The following ZBTB7C variants were observed in gnomAD, a reference collection of about 807,000 sequenced individuals.
ZBTB7C encodes the protein zinc finger and BTB domain containing 7C.
In ZBTB7C, 8 loss-of-function variants were observed where a neutral mutation model predicts 25.7. The observed-to-expected ratio is 0.31, with a 90% CI of 0.18 to 0.56. The LOEUF (loss-of-function observed/expected upper bound fraction) is 0.56. Ranked by LOEUF, ZBTB7C falls within the 20% of genes least tolerant of loss-of-function variation. ZBTB7C has a pLI of 0.91. For synonymous variants in ZBTB7C, 394 were observed against 369.0 expected, an observed-to-expected ratio of 1.07 and a Z score of -0.78; for missense variants, 824 against 855.2, an observed-to-expected ratio of 0.96 and a Z score of 0.46.
rs558614340 is a variant in ZBTB7C, at chr18:48,123,524, G to A, written c.-17+62410C>T. Among the ~76,000 whole-genome samples, 5 of 152,376 alleles carry A rather than the reference G, an allele frequency of 3.3e-5. No homozygotes were observed. In the East Asian group the frequency reaches 5.8e-4, roughly 18 times the overall value. On this transcript the variant is annotated intron_variant, in intron 3 of 4. Transcript: ENST00000590800. Reference sequence around the variant, plus strand: ...TTTCAGCCCCAGAGGTCCCTGTGGGGTTGGCATAAGTGGTAGGGCTGGCAT... The same window carrying A: ...TTTCAGCCCCAGAGGTCCCTGTGGGATTGGCATAAGTGGTAGGGCTGGCAT...
At chr18:48,129,772 A>C (rs2039930289) in intron 3 of ZBTB7C, among the ~76,000 whole-genome samples, 1 of 148,558 alleles carries the variant, frequency 6.7e-6, no homozygotes, top group African/African-American at 2.5e-5. Context: ...CCTCCACCCC[A>C]CCTCCCCACC....
At chr18:48,104,796 G>C (rs1459126947) in intron 3 of ZBTB7C, among the ~76,000 whole-genome samples, 2 of 152,204 alleles carry the variant, frequency 1.3e-5, no homozygotes, top group Admixed American at 1.3e-4. Context: ...CCCCCAAGCA[G>C]GACATGTGGG....
At chr18:48,073,037 C>T (rs571647617) in intron 3 of ZBTB7C, among the ~76,000 whole-genome samples, 68 of 152,288 alleles carry the variant, frequency 4.5e-4, no homozygotes, top group African/African-American at 1.5e-3. Context: ...ACATGCTGGG[C>T]GGAGGAACTT....
At chr18:48,130,489 C>A (rs188306927) in intron 3 of ZBTB7C, among the ~76,000 whole-genome samples, 20 of 152,262 alleles carry the variant, frequency 1.3e-4, no homozygotes, top group Non-Finnish European at 2.6e-4. Flanking sequence ...CCTTGAAGAG[C>A]GTGACTGTCT....
intron 2 of ZBTB7C, among the ~76,000 whole-genome samples, chr18:48,197,941 C>T (rs934212841): frequency 6.6e-6 from 1 of 151,996 alleles, no homozygotes; most frequent in Non-Finnish European, 1.5e-5. Context: ...GTTTTATCTC[C>T]CTCTAACCAC....
rs116829309 is a variant in ZBTB7C at position 48,086,176 on chromosome 18, A to C, written c.-16-45053T>G. ...TTTCTTTTTCTCTCTGCTGTTCCCC[A>C]CTAACCACAGGAAGAAATCACCAAG... On this transcript the variant is annotated intron_variant, in intron 3 of 4. Transcript: ENST00000590800. Among the ~76,000 whole-genome samples the C allele has an allele frequency of 5.3e-3, 805 of 152,186 alleles. 8 individuals are homozygous for C. The highest frequency in any genetic ancestry group is 0.019 in the African/African-American group (770 of 41,504).
chr18:48,359,918 C>T (rs2047064169), intron 1 of ZBTB7C, among the ~76,000 whole-genome samples: 2 of 152,166 alleles, frequency 1.3e-5, no homozygotes, highest in South Asian at 2.1e-4. Flanking sequence ...TCCAGAAAAG[C>T]ATACAGCACA....
At chr18:48,084,286 A>T (rs1189141443) in intron 3 of ZBTB7C, among the ~76,000 whole-genome samples, 1 of 152,170 alleles carries the variant, frequency 6.6e-6, no homozygotes, top group Non-Finnish European at 1.5e-5. Context: ...GGACTGCAGA[A>T]ATGAGGTCCT....
Position 48,028,170 on chromosome 18 carries a change from AG to A in ZBTB7C, c.*1089del, listed in dbSNP as rs1020869876. The A allele has an allele frequency of 2.6e-5, 4 of 152,188 alleles. No individual in the cohort carries two copies. Among genetic ancestry groups the A allele is most frequent in the African/African-American group, 7.2e-5 (3 of 41,436 alleles). The allele number at this position is 152,188 out of a possible 1,614,324, so 9.4% of individuals were successfully genotyped here. Reference sequence around the variant, plus strand: ...TTGTCTGTTGTCAGGAATCAGGATGAGGGGAGACTGTTGCCAGGTGTTAAGA... The same window carrying A: ...TTGTCTGTTGTCAGGAATCAGGATGAGGGAGACTGTTGCCAGGTGTTAAGA... On this transcript the variant is annotated 3_prime_UTR_variant, in exon 5 of 5. Transcript: ENST00000590800.
chr18:48,148,159 AT>A (rs74172095), intron 3 of ZBTB7C: 25,574 of 122,592 alleles, frequency 0.21, 2,405 homozygotes, highest in African/African-American at 0.3. Context: ...ACCACGGCTA[AT>A]TTTTTTTTTT....
intron 1 of ZBTB7C, among the ~76,000 whole-genome samples, chr18:48,339,555 A>T (rs1423319685): frequency 6.6e-6 from 1 of 152,240 alleles, no homozygotes; most frequent in African/African-American, 2.4e-5. Flanking sequence ...CTTGCTAAAG[A>T]TCACACCGTA....
At chr18:48,096,990 C>T (rs1290831630) in intron 3 of ZBTB7C, among the ~76,000 whole-genome samples, 1 of 152,246 alleles carries the variant, frequency 6.6e-6, no homozygotes, top group African/African-American at 2.4e-5. Context: ...ACTGCTACTA[C>T]TATCAAGGTA....
chr18:48,135,886 G>T (rs952156186), intron 3 of ZBTB7C, among the ~76,000 whole-genome samples: 12 of 152,272 alleles, frequency 7.9e-5, no homozygotes, highest in African/African-American at 2.9e-4. Context: ...TAAGTCGCTG[G>T]AGTGGGGCTT....
chr18:48,367,347 C>CATATATATATATATATAT (rs58569472), intron 1 of ZBTB7C, among the ~76,000 whole-genome samples: 87 of 44,800 alleles, frequency 1.9e-3, no homozygotes, highest in African/African-American at 5.0e-3. Context: ...TATATGTGTG[C>CATATATATATATATATAT]ATATATATAT....
At chr18:48,270,815 C>G (rs1022381538) in intron 2 of ZBTB7C, among the ~76,000 whole-genome samples, 3 of 151,932 alleles carry the variant, frequency 2.0e-5, no homozygotes, top group Non-Finnish European at 4.4e-5. Flanking sequence ...GCTGCGATTA[C>G]TGGCACGCCC....
chr18:48,300,642 A>G (rs1000466708), intron 2 of ZBTB7C, among the ~76,000 whole-genome samples: 3 of 152,198 alleles, frequency 2.0e-5, no homozygotes, highest in Non-Finnish European at 4.4e-5. Flanking sequence ...ACATGCAGAC[A>G]GGAAATGAAT....
intron 2 of ZBTB7C, among the ~76,000 whole-genome samples, chr18:48,301,958 A>G (rs1417404409): frequency 2.0e-5 from 3 of 152,202 alleles, no homozygotes; most frequent in African/African-American, 7.2e-5. Flanking sequence ...GAGAGTCTTC[A>G]GGAAGCATCT....
intron 4 of ZBTB7C, among the ~76,000 whole-genome samples, chr18:48,037,855 T>G (rs984861706): frequency 2.6e-5 from 4 of 152,210 alleles, no homozygotes; most frequent in African/African-American, 9.6e-5. Flanking sequence ...TGATCTGGCC[T>G]GTGAAGAGCT....
chr18:48,043,561 G>A (rs4940209), intron 3 of ZBTB7C, among the ~76,000 whole-genome samples: 16,874 of 152,214 alleles, frequency 0.11, 1,247 homozygotes, highest in South Asian at 0.17. Flanking sequence ...GAAGAGATGA[G>A]GGTTGCCAGG....
Sources: allele counts gnomAD v4.1 joint callset (sites outside exome capture counted in the v4.1 genomes callset), GRCh38; gene constraint gnomAD v4.1.1; transcripts MANE v1.5; gene names NCBI Gene and HGNC (gene_info 2026-07-23, HGNC 2026-07-21).